Variants in EBF1 observed in about 807,000 individuals in gnomAD.
The protein encoded by EBF1 is transcription factor COE1.
Under a neutral mutation model 68.4 loss-of-function variants are expected in EBF1, and 10 were observed. That is an observed-to-expected ratio of 0.15 (90% CI 0.09 to 0.25). The LOEUF is 0.25. Ranked by LOEUF, EBF1 falls within the 10% of genes least tolerant of loss-of-function variation. The probability of loss-of-function intolerance (pLI) is 1.00; values close to 1 mark genes in which losing one functional copy is unlikely to be tolerated. For synonymous variants in EBF1, 298 were observed against 299.8 expected, an observed-to-expected ratio of 0.99 and a Z score of 0.06; for missense variants, 509 against 794.4, an observed-to-expected ratio of 0.64 and a Z score of 4.32.
chr5:158,808,091 C>A (rs1441905469), intron 8 of EBF1, among the ~76,000 whole-genome samples: 1 of 152,112 alleles, frequency 6.6e-6, no homozygotes, highest in East Asian at 1.9e-4. Flanking sequence ...TGCAATCCAG[C>A]GTTTGTTACA....
intron 5 of EBF1, among the ~76,000 whole-genome samples, chr5:159,077,481 T>C (rs1289866877): frequency 6.6e-6 from 1 of 152,124 alleles, no homozygotes; most frequent in Non-Finnish European, 1.5e-5. Flanking sequence ...CTCTAGCTCC[T>C]TATTCTGCTT....
At chr5:158,967,976 T>C (rs552819188) in intron 6 of EBF1, among the ~76,000 whole-genome samples, 6 of 152,334 alleles carry the variant, frequency 3.9e-5, no homozygotes, top group Admixed American at 2.6e-4. Flanking sequence ...AAGACCTGTC[T>C]TGAAATGTGG....
Position 159,096,958 on chromosome 5 carries a change from C to G in EBF1, c.291+16G>C, listed in dbSNP as rs776735644. ...CCGAGCCGGGGACGAGGGGCGACAG[C>G]GCTGCGCCCACTTACTTTTTCCTTC... On this transcript the variant is annotated intron_variant, in intron 2 of 15. Transcript: ENST00000313708. The G allele has an allele frequency of 1.2e-6, 2 of 1,612,306 alleles. No individual in the cohort carries two copies. The highest frequency in any genetic ancestry group is 1.7e-5 in the Admixed American group (1 of 59,932).
intron 8 of EBF1, among the ~76,000 whole-genome samples, chr5:158,813,519 G>A (rs1296080755): frequency 6.6e-6 from 1 of 152,140 alleles, no homozygotes; most frequent in African/African-American, 2.4e-5. Flanking sequence ...TGCAGAGATG[G>A]CCAAGGTGGA....
chr5:158,985,286 A>G (rs1758801901), intron 6 of EBF1, among the ~76,000 whole-genome samples: 1 of 152,232 alleles, frequency 6.6e-6, no homozygotes. Flanking sequence ...CTTTGGGACC[A>G]TGTGAAAGCC....
At chr5:158,727,042 C>T (rs1763134482) in intron 11 of EBF1, among the ~76,000 whole-genome samples, 1 of 152,222 alleles carries the variant, frequency 6.6e-6, no homozygotes, top group African/African-American at 2.4e-5. Flanking sequence ...AGCTGCTTTA[C>T]AGAGGAGAAA....
chr5:158,897,543 G>A (rs1255075856), intron 6 of EBF1, among the ~76,000 whole-genome samples: 1 of 151,802 alleles, frequency 6.6e-6, no homozygotes, highest in East Asian at 1.9e-4. Flanking sequence ...TAACAAACCT[G>A]CACATCCTGC....
chr5:158,834,026 A>G (rs1476722967), intron 7 of EBF1, among the ~76,000 whole-genome samples: 1 of 152,206 alleles, frequency 6.6e-6, no homozygotes, highest in Non-Finnish European at 1.5e-5. Context: ...ATATAGATTT[A>G]TAGCCAATGG....
chr5:158,741,592 A>C (rs1023840262), intron 10 of EBF1, among the ~76,000 whole-genome samples: 2 of 151,778 alleles, frequency 1.3e-5, no homozygotes, highest in Non-Finnish European at 2.9e-5. Flanking sequence ...AAAAAAAAAA[A>C]AGCAGTATAA....
intron 6 of EBF1, among the ~76,000 whole-genome samples, chr5:158,947,357 T>C (rs11948505): frequency 0.55 from 83,722 of 152,108 alleles, 23,454 homozygotes; most frequent in South Asian, 0.74. Flanking sequence ...CTGTGGGTTG[T>C]GAAGAGCATG....
intron 6 of EBF1, among the ~76,000 whole-genome samples, chr5:158,857,487 A>G (rs1473853957): frequency 3.9e-5 from 6 of 152,134 alleles, no homozygotes; most frequent in Admixed American, 3.3e-4. Flanking sequence ...TTTCACTCAC[A>G]TTCCAAGTAT....
intron 6 of EBF1, among the ~76,000 whole-genome samples, chr5:158,958,223 C>A (rs1817520671): frequency 6.6e-6 from 1 of 152,082 alleles, no homozygotes; most frequent in Non-Finnish European, 1.5e-5. Flanking sequence ...AGTAAGGGAT[C>A]CTCTTTTACA....
chr5:158,902,931 G>A (rs937570681), intron 6 of EBF1, among the ~76,000 whole-genome samples: 8 of 152,180 alleles, frequency 5.3e-5, no homozygotes, highest in East Asian at 1.9e-4. Context: ...GCCAAAGGAC[G>A]GCTCTGGGGA....
chr5:159,039,876 T>C (rs1009765659), intron 6 of EBF1, among the ~76,000 whole-genome samples: 4 of 152,214 alleles, frequency 2.6e-5, no homozygotes, highest in Non-Finnish European at 5.9e-5. Context: ...ACCCTTGATA[T>C]ACACAGCTAG....
intron 10 of EBF1, among the ~76,000 whole-genome samples, chr5:158,753,618 C>T (rs539831642): frequency 6.6e-6 from 1 of 152,046 alleles, no homozygotes. Context: ...CTCCTTTCTG[C>T]CAAAAACTTT....
At chr5:159,099,195 C>G in intron 1 of EBF1, 150 bp downstream of exon 1, 1 of 524,860 alleles carries the variant, frequency 1.9e-6, no homozygotes, top group Non-Finnish European at 2.8e-6. Context: ...CTGGAGAGCG[C>G]GGAGCCCCGG....
chr5:158,717,977 T>C (rs748070565), intron 11 of EBF1, among the ~76,000 whole-genome samples: 2 of 152,130 alleles, frequency 1.3e-5, no homozygotes, highest in African/African-American at 2.4e-5. Flanking sequence ...TCTACAGAAA[T>C]GTTAGGGAGA....
chr5:158,998,585 T>A (rs560573796), intron 6 of EBF1, among the ~76,000 whole-genome samples: 76 of 152,324 alleles, frequency 5.0e-4, no homozygotes, highest in South Asian at 2.5e-3. Flanking sequence ...TTCCGAAAAC[T>A]TCAATCATTT....
chr5:158,898,441 G>A lies in EBF1; in HGVS notation c.555-58331C>T, dbSNP rs368000735. On this transcript the variant is annotated intron_variant, in intron 6 of 15. Transcript: ENST00000313708. ...ATGTAATAAACCACCAACCAGAATCGGAAGTTCTATCCACCTTCAAACATT... is the reference window on the plus strand; with the variant it reads ...ATGTAATAAACCACCAACCAGAATCAGAAGTTCTATCCACCTTCAAACATT... Among the ~76,000 whole-genome samples, 42 of 152,264 alleles carry A rather than the reference G, an allele frequency of 2.8e-4. No individual in the cohort carries two copies. The East Asian group carries it at 3.7e-3, about 13-fold the overall frequency.
Sources: gnomAD v4.1 joint callset for allele counts (sites outside exome capture counted in the v4.1 genomes callset) on GRCh38, gnomAD v4.1.1 for gene constraint, MANE v1.5 for transcripts, NCBI Gene and HGNC (gene_info 2026-07-23, HGNC 2026-07-21) for gene names.